PITPNM3: variants seen among roughly 807,000 people sequenced by gnomAD.
PITPNM3 encodes PITPNM family member 3.
A neutral mutation model predicts 102.0 loss-of-function variants in PITPNM3; 26 were observed. The observed-to-expected ratio is 0.25, with a 90% CI of 0.19 to 0.35. PITPNM3 has a LOEUF of 0.35. Ranked by LOEUF, PITPNM3 falls within the 10% of genes least tolerant of loss-of-function variation. The pLI is 1.00. For synonymous variants in PITPNM3, 578 were observed against 558.6 expected (o/e 1.03, Z -0.49); for missense variants, 1,083 against 1,346.1 (o/e 0.80, Z 3.06).
chr17:6,470,223 G>A lies in PITPNM3; in HGVS notation c.1773+37C>T, dbSNP rs1299621749. The A allele has an allele frequency of 1.3e-6, 2 of 1,567,698 alleles. No homozygotes were observed. The highest frequency in any genetic ancestry group is 1.2e-5 in the South Asian group (1 of 86,304). On this transcript the variant is annotated intron_variant, in intron 13 of 19. Transcript: ENST00000262483. The surrounding 1 kb of genome is among the most constrained non-coding windows in gnomAD (Gnocchi z 4.8). ...GGAGAAGGGGCGGTACCCCCTTGGG[G>A]TGGCTGTGGGCAGGCCCGCGACTGC...
chr17:6,538,069 C>A lies in PITPNM3; in HGVS notation c.36G>T (p.Pro12=), dbSNP rs369702538. ...AKAGRAGGPP[P]GGGAPWHLRN... The stretch of plus-strand genomic sequence containing the variant: ...GAAGGTGCCAGGGGGCACCGCCGCC[C>A]GGGGGAGGACCACCTGTTAAAGGGA... Residue 12 remains proline, a synonymous_variant, in exon 2 of 20, where the codon CCG becomes CCT. Coordinates refer to ENST00000262483, the MANE Select transcript of PITPNM3 (RefSeq NM_031220.4). The A allele has an allele frequency of 1.4e-5, 22 of 1,610,798 alleles. No homozygotes were observed. Among genetic ancestry groups the A allele is most frequent in the Non-Finnish European group, 1.8e-5 (21 of 1,177,264 alleles).
chr17:6,457,808 C>G lies in PITPNM3; in HGVS notation c.2491-86G>C. 1 of 1,512,544 alleles carries G rather than the reference C, an allele frequency of 6.6e-7. No individual in the cohort carries two copies. The highest frequency in any genetic ancestry group is 8.9e-7 in the Non-Finnish European group (1 of 1,120,598). 93.7% of individuals were successfully genotyped at this position (1,512,544 alleles called of 1,614,324 possible). ...CCAGGCCAACCCCAGGGGGCCCCTG[C>G]TTGGGGACCCTTTATGTGCACTCTG... is the stretch of plus-strand genomic sequence containing the variant. On this transcript the variant is annotated intron_variant, in intron 18 of 19. Transcript: ENST00000262483. The surrounding 1 kb of genome is among the most constrained non-coding windows in gnomAD (Gnocchi z 4.7).
At position 6,457,830 on chromosome 17, in the gene PITPNM3, T is replaced by G; in HGVS notation, c.2491-108A>C. ...CTGCTTGGGGACCCTTTATGTGCACTCTGGTAGACTCCAAGCCATGGGGCC... is the reference window on the plus strand; with the variant it reads ...CTGCTTGGGGACCCTTTATGTGCACGCTGGTAGACTCCAAGCCATGGGGCC... On this transcript the variant is annotated intron_variant, in intron 18 of 19. Coordinates refer to ENST00000262483, the MANE Select transcript of PITPNM3 (RefSeq NM_031220.4). This position sits in a 1 kb window ranked among gnomAD's most constrained non-coding sequence, Gnocchi z 4.7. The G allele has an allele frequency of 3.6e-5, 50 of 1,406,588 alleles. No individual in the cohort carries two copies. The highest frequency in any genetic ancestry group is 4.5e-5 in the Non-Finnish European group (46 of 1,030,306). The allele number at this position is 1,406,588 out of a possible 1,614,324, so 87.1% of individuals were successfully genotyped here. A position where few individuals can be genotyped will look rare whatever the true frequency, so the allele number is the denominator to read the frequency against.
chr17:6,483,454 G>A (rs1905867423), intron 6 of PITPNM3, 63 bp downstream of exon 6: 4 of 1,481,348 alleles, frequency 2.7e-6, no homozygotes, highest in African/African-American at 1.4e-5. Flanking sequence ...GCTGCAGGGG[G>A]AGCCCCTCCA....
chr17:6,513,045 A>C (rs1907963150), intron 3 of PITPNM3, among the ~76,000 whole-genome samples: 1 of 151,898 alleles, frequency 6.6e-6, no homozygotes, highest in African/African-American at 2.4e-5. Context: ...GACAAAAACC[A>C]CATGAACATC....
chr17:6,528,589 A>C (rs1865670425), intron 2 of PITPNM3, among the ~76,000 whole-genome samples: 2 of 151,868 alleles, frequency 1.3e-5, no homozygotes, highest in Admixed American at 6.6e-5. Context: ...ATGTGTGTGC[A>C]TATGTGTGTG....
At chr17:6,474,392 A>G in intron 10 of PITPNM3, 40 bp downstream of exon 10, 1 of 1,601,260 alleles carries the variant, frequency 6.2e-7, no homozygotes. Flanking sequence ...GGCCCTAGTG[A>G]CGCACAGGCA....
At chr17:6,554,757 C>T (rs960738402) in intron 1 of PITPNM3, among the ~76,000 whole-genome samples, 2 of 152,102 alleles carry the variant, frequency 1.3e-5, no homozygotes, top group African/African-American at 4.8e-5. Flanking sequence ...CAGGCTCTGC[C>T]CAGACCCTCT....
chr17:6,490,997 A>G (rs994182328), intron 4 of PITPNM3, among the ~76,000 whole-genome samples: 3 of 39,030 alleles, frequency 7.7e-5, no homozygotes, highest in African/African-American at 2.1e-4. Flanking sequence ...AGGGGAGGGG[A>G]GGGGAGGGAA....
At position 6,455,311 on chromosome 17, in the gene PITPNM3, C is replaced by T. The variant is rs1914038293; in HGVS notation, c.*27G>A. 1 of 1,549,210 alleles carries T rather than the reference C, an allele frequency of 6.5e-7. No individual in the cohort carries two copies. Among genetic ancestry groups the T allele is most frequent in the Admixed American group, 1.9e-5 (1 of 52,184 alleles). ...GCAGGCAGCCTGATTGGGCCCCCCGCTCCCTGCTCTGAGCACAGCCCACCC... is the reference window on the plus strand; with the variant it reads ...GCAGGCAGCCTGATTGGGCCCCCCGTTCCCTGCTCTGAGCACAGCCCACCC... On this transcript the variant is annotated 3_prime_UTR_variant, in exon 20 of 20. Transcript: ENST00000262483.
At chr17:6,542,180 G>A (rs548416170) in intron 1 of PITPNM3, among the ~76,000 whole-genome samples, 2 of 152,328 alleles carry the variant, frequency 1.3e-5, no homozygotes, top group East Asian at 3.9e-4. Context: ...GCCCTGGGGG[G>A]CTCAGCTGTC....
intron 2 of PITPNM3, among the ~76,000 whole-genome samples, chr17:6,533,136 A>G (rs8076531): frequency 0.77 from 116,282 of 151,742 alleles, 44,849 homozygotes; most frequent in African/African-American, 0.86. Context: ...CTAATTTTCT[A>G]TTTTCAGTAG....
intron 1 of PITPNM3, among the ~76,000 whole-genome samples, chr17:6,540,293 G>T (rs376685675): frequency 6.6e-6 from 1 of 152,220 alleles, no homozygotes; most frequent in Non-Finnish European, 1.5e-5. Context: ...CATTCTGCAG[G>T]CGGGGAAGGA....
chr17:6,491,081 G>A (rs1906444145), intron 4 of PITPNM3, among the ~76,000 whole-genome samples: 1 of 79,892 alleles, frequency 1.3e-5, no homozygotes, highest in Non-Finnish European at 2.5e-5. Context: ...GGAGGAAAGG[G>A]GAGGGGAAGG....
intron 4 of PITPNM3, among the ~76,000 whole-genome samples, chr17:6,487,807 T>C (rs1225303639): frequency 6.6e-6 from 1 of 152,200 alleles, no homozygotes; most frequent in East Asian, 1.9e-4. Flanking sequence ...TGCTGCATCC[T>C]GGCCACCAAC....
intron 1 of PITPNM3, among the ~76,000 whole-genome samples, chr17:6,554,543 C>T (rs1162295299): frequency 6.6e-6 from 1 of 152,140 alleles, no homozygotes; most frequent in African/African-American, 2.4e-5. Flanking sequence ...AATGTTAGAA[C>T]AGCACAAGGC....
chr17:6,518,004 A>G (rs1447013924), intron 3 of PITPNM3, among the ~76,000 whole-genome samples: 1 of 152,244 alleles, frequency 6.6e-6, no homozygotes, highest in Non-Finnish European at 1.5e-5. Context: ...TTAATTTTAT[A>G]GAGAATTTAT....
intron 3 of PITPNM3, among the ~76,000 whole-genome samples, chr17:6,515,397 CAAAAAA>C (rs61420968): frequency 1.2e-3 from 99 of 82,212 alleles, no homozygotes; most frequent in African/African-American, 4.0e-3. Flanking sequence ...GACTCCATCT[CAAAAAA>C]AAAAAAAAAA....
At chr17:6,491,652 A>C (rs528328072) in intron 4 of PITPNM3, among the ~76,000 whole-genome samples, 2 of 152,216 alleles carry the variant, frequency 1.3e-5, no homozygotes, top group Non-Finnish European at 2.9e-5. Flanking sequence ...GCCAGACTGC[A>C]GGCCACCCTC....
Sources: allele counts gnomAD v4.1 joint callset (sites outside exome capture counted in the v4.1 genomes callset), GRCh38; gene constraint gnomAD v4.1.1; non-coding constraint Gnocchi (gnomAD v3.1); transcripts MANE v1.5; gene names NCBI Gene and HGNC (gene_info 2026-07-23, HGNC 2026-07-21).